The following BTRC variants were observed in gnomAD, a reference collection of about 807,000 sequenced individuals.
BTRC encodes the protein F-box/WD repeat-containing protein 1A.
Under a neutral mutation model 85.5 loss-of-function variants are expected in BTRC, and 42 were observed. That is an observed-to-expected ratio of 0.49 (90% CI 0.38 to 0.64). The LOEUF is 0.64. Ranked by LOEUF, BTRC falls within the 30% of genes least tolerant of loss-of-function variation. The pLI is 0.00. For synonymous variants in BTRC, 255 were observed against 263.3 expected, an observed-to-expected ratio of 0.97 and a Z score of 0.30; for missense variants, 594 against 743.5, an observed-to-expected ratio of 0.80 and a Z score of 2.34.
intron 1 of BTRC, among the ~76,000 whole-genome samples, chr10:101,415,258 C>T (rs1221253357): frequency 6.7e-6 from 1 of 150,086 alleles, no homozygotes; most frequent in Non-Finnish European, 1.5e-5. Flanking sequence ...TTACTTCAGC[C>T]TCCACATTCC....
intron 6 of BTRC, among the ~76,000 whole-genome samples, chr10:101,528,594 T>TA (rs1264377603): frequency 2.0e-5 from 3 of 152,306 alleles, no homozygotes; most frequent in African/African-American, 7.2e-5. Flanking sequence ...AAATTCCAAA[T>TA]ACTTATACAT....
chr10:101,368,109 G>A (rs561932509), intron 1 of BTRC, among the ~76,000 whole-genome samples: 1 of 152,306 alleles, frequency 6.6e-6, no homozygotes, highest in East Asian at 1.9e-4. Context: ...GGATTATGGA[G>A]GTGCGTTCCT....
At chr10:101,355,065 A>C (rs530776636) in intron 1 of BTRC, among the ~76,000 whole-genome samples, 3 of 152,302 alleles carry the variant, frequency 2.0e-5, no homozygotes, top group South Asian at 2.1e-4. Flanking sequence ...TGGGTACAGG[A>C]GATTGGGGCA....
intron 6 of BTRC, among the ~76,000 whole-genome samples, chr10:101,527,287 T>C (rs1259062956): frequency 1.3e-5 from 2 of 152,054 alleles, no homozygotes; most frequent in African/African-American, 4.8e-5. Flanking sequence ...GCTCTCTTTC[T>C]TTTTTTCTAT....
In BTRC at chr10:101,366,869, A is replaced by ATGT. The variant is rs1491560069; in HGVS notation, c.48+12641_48+12642insTGT. ...GTATATTAATATATATTTATATATT[A>ATGT]ATATATATTTATATATATTTATATA... is the stretch of plus-strand genomic sequence containing the variant. On this transcript the variant is annotated intron_variant, in intron 1 of 14. Transcript: ENST00000370187. 5.6e-4 allele frequency among the ~76,000 whole-genome samples: 12 copies of ATGT among 21,482 alleles called. 4 individuals are homozygous for ATGT. Among genetic ancestry groups the ATGT allele is most frequent in the South Asian group, 2.4e-3 (2 of 830 alleles). The allele number at this position is 21,482 out of a possible 152,430, so 14.1% of individuals were successfully genotyped here. A position where few individuals can be genotyped will look rare whatever the true frequency, so the allele number is the denominator to read the frequency against.
intron 4 of BTRC, among the ~76,000 whole-genome samples, chr10:101,515,796 C>T (rs1479977110): frequency 2.0e-5 from 3 of 152,218 alleles, no homozygotes; most frequent in Non-Finnish European, 4.4e-5. Flanking sequence ...TAGGCGTGAG[C>T]CACTGCTCCC....
intron 1 of BTRC, among the ~76,000 whole-genome samples, chr10:101,386,772 GT>G (rs1291160303): frequency 6.6e-6 from 1 of 152,138 alleles, no homozygotes; most frequent in African/African-American, 2.4e-5. Context: ...TTTAGCTTGT[GT>G]TTCTTCTACT....
chr10:101,435,784 A>G (rs1233325022), intron 2 of BTRC, among the ~76,000 whole-genome samples: 1 of 152,196 alleles, frequency 6.6e-6, no homozygotes, highest in African/African-American at 2.4e-5. Flanking sequence ...CAATTCTTCA[A>G]AGTGGTTGTC....
At chr10:101,388,856 G>C (rs1943152919) in intron 1 of BTRC, among the ~76,000 whole-genome samples, 1 of 152,188 alleles carries the variant, frequency 6.6e-6, no homozygotes, top group Non-Finnish European at 1.5e-5. Flanking sequence ...TATTGAGCCA[G>C]ATCACTTAAG....
intron 4 of BTRC, among the ~76,000 whole-genome samples, chr10:101,496,556 C>A (rs923570759): frequency 4.6e-5 from 7 of 152,120 alleles, no homozygotes; most frequent in Admixed American, 1.3e-4. Context: ...GCTGGAATTA[C>A]TGACTTTTTT....
chr10:101,450,134 A>G (rs1944923869), intron 2 of BTRC, among the ~76,000 whole-genome samples: 1 of 151,914 alleles, frequency 6.6e-6, no homozygotes, highest in Non-Finnish European at 1.5e-5. Flanking sequence ...GCATATTAGC[A>G]TAATTACAAA....
In BTRC at chr10:101,555,488, A is replaced by C. The variant is rs889011083; in HGVS notation, c.*2365A>C. ...CTCCAAGTTGTCCTCTCTCCTGCTG[A>C]TGGAAATGGGAATGAAGTTAAGTGG... On this transcript the variant is annotated 3_prime_UTR_variant, in exon 15 of 15. Coordinates refer to ENST00000370187, the MANE Select transcript of BTRC (RefSeq NM_033637.4). 1 of 152,642 alleles carries C rather than the reference A, an allele frequency of 6.6e-6. No individual in the cohort carries two copies. Among genetic ancestry groups the C allele is most frequent in the African/African-American group, 2.4e-5 (1 of 41,464 alleles). The allele number at this position is 152,642 out of a possible 1,614,324, so 9.5% of individuals were successfully genotyped here. A position where few individuals can be genotyped will look rare whatever the true frequency, so the allele number is the denominator to read the frequency against.
At chr10:101,488,638 C>A (rs1049136569) in intron 4 of BTRC, among the ~76,000 whole-genome samples, 1 of 152,074 alleles carries the variant, frequency 6.6e-6, no homozygotes, top group Non-Finnish European at 1.5e-5. Flanking sequence ...TGATTTGCAG[C>A]GTGTTAGTCT....
intron 1 of BTRC, among the ~76,000 whole-genome samples, chr10:101,388,690 C>T (rs1204244666): frequency 6.6e-6 from 1 of 152,074 alleles, no homozygotes; most frequent in Admixed American, 6.6e-5. Flanking sequence ...GGGGTTTTGC[C>T]ATGTTGCCTA....
At chr10:101,417,093 C>A (rs964803434) in intron 1 of BTRC, among the ~76,000 whole-genome samples, 20 of 151,934 alleles carry the variant, frequency 1.3e-4, no homozygotes, top group Admixed American at 6.6e-5. Context: ...TTCCTGCAAA[C>A]CAGAACATTC....
At chr10:101,468,554 A>G (rs1052076898) in intron 3 of BTRC, among the ~76,000 whole-genome samples, 5 of 152,194 alleles carry the variant, frequency 3.3e-5, no homozygotes, top group Non-Finnish European at 7.3e-5. Flanking sequence ...ACCCACTTCC[A>G]GCTTCCTTAG....
intron 5 of BTRC, among the ~76,000 whole-genome samples, chr10:101,525,177 G>C (rs1287828217): frequency 1.3e-5 from 2 of 152,144 alleles, no homozygotes; most frequent in African/African-American, 4.8e-5. Flanking sequence ...TTTCTTCTGA[G>C]ACCTCAGTAC....
chr10:101,381,962 C>CTTTTTTTT lies in BTRC; in HGVS notation c.48+27765_48+27772dup, dbSNP rs71016314. On this transcript the variant is annotated intron_variant, in intron 1 of 14. Coordinates refer to ENST00000370187, the MANE Select transcript of BTRC (RefSeq NM_033637.4). The stretch of plus-strand genomic sequence containing the variant: ...GAACCCCTAGTTATCCTAAGAATGT[C>CTTTTTTTT]TTTTTTTTTTTTTTTTTTTTTTTTT... Among the ~76,000 whole-genome samples, 23 of 49,156 alleles carry CTTTTTTTT rather than the reference C, an allele frequency of 4.7e-4. 3 individuals carry two copies. The highest frequency in any genetic ancestry group is 1.4e-3 in the African/African-American group (13 of 8,978). The allele number at this position is 49,156 out of a possible 152,430, so 32.2% of individuals were successfully genotyped here. A position where few individuals can be genotyped will look rare whatever the true frequency, so the allele number is the denominator to read the frequency against.
intron 8 of BTRC, among the ~76,000 whole-genome samples, 163 bp from the exon 9 acceptor site, chr10:101,532,789 T>TGCGC (rs1554895662): frequency 1.2e-4 from 9 of 78,238 alleles, no homozygotes; most frequent in East Asian, 5.6e-4. Flanking sequence ...TGTGTGTGTG[T>TGCGC]GCGCGTGTGC....
Sources: gnomAD v4.1 joint callset for allele counts (sites outside exome capture counted in the v4.1 genomes callset) on GRCh38, gnomAD v4.1.1 for gene constraint, MANE v1.5 for transcripts, NCBI Gene and HGNC (gene_info 2026-07-23, HGNC 2026-07-21) for gene names.